The following UPP2 variants were observed in gnomAD, a reference collection of about 807,000 sequenced individuals.
UPP2 encodes UPase 2.
In UPP2, 23 loss-of-function variants were observed where a neutral mutation model predicts 26.7. That is an observed-to-expected ratio of 0.86 (90% CI 0.62 to 1.22). The LOEUF is 1.22. UPP2 is among the 50% of genes most tolerant of loss of function. The pLI is 0.00. For synonymous variants in UPP2, 127 were observed against 141.3 expected (o/e 0.90, Z 0.72); for missense variants, 387 against 396.7 (o/e 0.98, Z 0.21).
At chr2:158,132,661 C>A (rs955107150) in intron 6 of UPP2, among the ~76,000 whole-genome samples, 1 of 152,030 alleles carries the variant, frequency 6.6e-6, no homozygotes, top group African/African-American at 2.4e-5. Flanking sequence ...ACAGAACATA[C>A]AAGGAACTCA....
At chr2:158,099,942 A>G (rs371495952), upstream of UPP2, among the ~76,000 whole-genome samples, 274 of 152,308 alleles carry the variant, frequency 1.8e-3, 4 homozygotes, top group South Asian at 0.025. Context: ...CTTTGTTTGC[A>G]AATTACCCAG....
At chr2:158,088,484 T>A (rs1682854735) in intron 3 of UPP2, among the ~76,000 whole-genome samples, 2 of 152,254 alleles carry the variant, frequency 1.3e-5, no homozygotes, top group South Asian at 4.1e-4. Flanking sequence ...TTTCTGGCAA[T>A]TCAGAGATTT....
At chr2:158,031,417 T>G (rs2105156545) in intron 3 of UPP2, among the ~76,000 whole-genome samples, 1 of 152,342 alleles carries the variant, frequency 6.6e-6, no homozygotes, top group South Asian at 2.1e-4. Flanking sequence ...TTCCTGGTGG[T>G]TTTCTTCATA....
intron 3 of UPP2, among the ~76,000 whole-genome samples, chr2:158,071,073 G>C (rs1340530911): frequency 2.6e-5 from 4 of 152,172 alleles, no homozygotes; most frequent in Admixed American, 2.0e-4. Flanking sequence ...GTGCTCTGGA[G>C]TACTAGGTAA....
intron 3 of UPP2, among the ~76,000 whole-genome samples, chr2:158,038,935 T>A (rs1402604585): frequency 6.7e-6 from 1 of 148,996 alleles, no homozygotes; most frequent in African/African-American, 2.5e-5. Flanking sequence ...ATGAGGGAAA[T>A]GCTTTCCCCT....
At chr2:158,100,636 T>C (rs137968109), upstream of UPP2, among the ~76,000 whole-genome samples, 1,749 of 152,282 alleles carry the variant, frequency 0.011, 35 homozygotes, top group African/African-American at 0.039. Flanking sequence ...GAGACAGATG[T>C]ATACAAGCTA....
intron 3 of UPP2, among the ~76,000 whole-genome samples, chr2:158,059,574 A>T (rs1682318027): frequency 6.6e-6 from 1 of 152,212 alleles, no homozygotes; most frequent in African/African-American, 2.4e-5. Flanking sequence ...GCACAAAAAG[A>T]GGTCTTAATG....
intron 3 of UPP2, among the ~76,000 whole-genome samples, chr2:158,071,319 C>A (rs368147280): frequency 1.3e-5 from 2 of 152,116 alleles, no homozygotes; most frequent in East Asian, 3.9e-4. Flanking sequence ...CTTTGGGAGG[C>A]TGAGGCGGAT....
At chr2:158,037,851 G>A (rs1684028138) in intron 3 of UPP2, among the ~76,000 whole-genome samples, 2 of 149,964 alleles carry the variant, frequency 1.3e-5, no homozygotes, top group Admixed American at 1.3e-4. Flanking sequence ...TTGGGGGGTG[G>A]GGGGAGATAC....
intron 3 of UPP2, among the ~76,000 whole-genome samples, chr2:158,020,575 G>T (rs1683733634): frequency 6.6e-6 from 1 of 152,164 alleles, no homozygotes; most frequent in African/African-American, 2.4e-5. Context: ...GATATTCCAG[G>T]AAGAAGGACA....
chr2:158,026,890 G>A (rs7596946), intron 3 of UPP2, among the ~76,000 whole-genome samples: 1 of 152,192 alleles, frequency 6.6e-6, no homozygotes, highest in South Asian at 2.1e-4. Context: ...AAGAAGAAGT[G>A]AGGAAGATGC....
At chr2:158,032,291 G>A (rs1683934127) in intron 3 of UPP2, among the ~76,000 whole-genome samples, 1 of 152,122 alleles carries the variant, frequency 6.6e-6, no homozygotes, top group Non-Finnish European at 1.5e-5. Flanking sequence ...CACCAGAAAT[G>A]TTCATGGCGA....
rs967761498 is a variant in UPP2, at chr2:158,094,242, T to TA, written c.148-7789dup. Among the ~76,000 whole-genome samples the TA allele has an allele frequency of 6.0e-5, 9 of 150,994 alleles. No homozygotes were observed. The East Asian group carries it at 1.2e-3, about 20-fold the overall frequency. On this transcript the variant is annotated intron_variant, in intron 3 of 9. Coordinates refer to the UPP2 transcript ENST00000605860. ...CAGGGCTTTAATGAAATCTTTCCTT[T>TA]AAAAAAAAATGTGTTAAATATGGCA...
chr2:158,127,708 A>C (rs1683724499), intron 6 of UPP2, among the ~76,000 whole-genome samples: 1 of 152,222 alleles, frequency 6.6e-6, no homozygotes, highest in Admixed American at 6.5e-5. Flanking sequence ...AGGTGGACAA[A>C]CTACCTATAA....
intron 3 of UPP2, among the ~76,000 whole-genome samples, chr2:158,045,940 A>T (rs765021349): frequency 6.6e-6 from 1 of 152,116 alleles, no homozygotes; most frequent in Non-Finnish European, 1.5e-5. Context: ...AGACTAGAGG[A>T]GACAAAGAAT....
chr2:158,021,486 C>T (rs1683751767), intron 3 of UPP2, among the ~76,000 whole-genome samples: 1 of 152,220 alleles, frequency 6.6e-6, no homozygotes. Flanking sequence ...ACATGGCTGT[C>T]TGTTCATCGG....
chr2:158,089,435 G>C (rs921437225), intron 3 of UPP2, among the ~76,000 whole-genome samples: 5 of 152,198 alleles, frequency 3.3e-5, no homozygotes, highest in African/African-American at 1.2e-4. Flanking sequence ...AGGGCTTTCA[G>C]ATTTTGCACC....
At chr2:158,119,567 A>T (rs1007209946) in intron 4 of UPP2, among the ~76,000 whole-genome samples, 2 of 152,070 alleles carry the variant, frequency 1.3e-5, no homozygotes, top group Admixed American at 6.6e-5. Flanking sequence ...ACCTTTGAGA[A>T]ACCTTAACCA....
At chr2:158,013,580 G>A (rs1683613033) in intron 2 of UPP2, among the ~76,000 whole-genome samples, 1 of 152,190 alleles carries the variant, frequency 6.6e-6, no homozygotes, top group Non-Finnish European at 1.5e-5. Context: ...CAAAACCTCA[G>A]GTTGGGAAGC....
Sources: gnomAD v4.1 joint callset for allele counts (sites outside exome capture counted in the v4.1 genomes callset) on GRCh38, gnomAD v4.1.1 for gene constraint, MANE v1.5 for transcripts, NCBI Gene and HGNC (gene_info 2026-07-23, HGNC 2026-07-21) for gene names.